The following KLHL18 variants were observed in gnomAD, a reference collection of about 807,000 sequenced individuals.
The protein encoded by KLHL18 is kelch-like protein 18.
A neutral mutation model predicts 58.5 loss-of-function variants in KLHL18; 38 were observed. The ratio of observed to expected loss-of-function variants is 0.65; its 90% CI spans 0.50 to 0.85. The LOEUF is 0.85. Among genes scored for constraint, KLHL18 ranks in the 40% least tolerant of loss-of-function variants. The probability of loss-of-function intolerance (pLI) is 0.00; values close to 1 mark genes in which losing one functional copy is unlikely to be tolerated. For missense variants in KLHL18, 624 were observed against 778.4 expected, an observed-to-expected ratio of 0.80 and a Z score of 2.36; for synonymous variants, 303 against 301.9, an observed-to-expected ratio of 1.00 and a Z score of -0.04.
At chr3:47,335,257 G>T (rs1703958404) in intron 6 of KLHL18, among the ~76,000 whole-genome samples, 1 of 152,146 alleles carries the variant, frequency 6.6e-6, no homozygotes, top group South Asian at 2.1e-4. Flanking sequence ...TTCACATTTT[G>T]TCATATGGAT....
chr3:47,314,677 A>G lies in KLHL18; in HGVS notation c.130-4976A>G, dbSNP rs543283875. 4.6e-5 allele frequency among the ~76,000 whole-genome samples: 7 copies of G among 152,262 alleles called. No homozygotes were observed. In the East Asian group the frequency reaches 1.3e-3, roughly 29 times the overall value. ...GATAAAAGAAAATCTGCCTTCCTGT[A>G]ATTTTCTAGATCTGCCCTAATCCAT... is the stretch of plus-strand genomic sequence containing the variant. On this transcript the variant is annotated intron_variant, in intron 1 of 9. Coordinates refer to ENST00000232766, the MANE Select transcript of KLHL18 (RefSeq NM_025010.5).
intron 1 of KLHL18, among the ~76,000 whole-genome samples, chr3:47,311,491 G>C (rs1003631835): frequency 1.3e-5 from 2 of 152,044 alleles, no homozygotes; most frequent in Non-Finnish European, 2.9e-5. Flanking sequence ...AGGAGATCAA[G>C]ACCATTCTGG....
At chr3:47,337,098 G>A (rs80258705) in intron 7 of KLHL18, 8,269 of 266,332 alleles carry the variant, frequency 0.031, 393 homozygotes, top group East Asian at 0.13. Flanking sequence ...TCAGGGAAGA[G>A]GTGGGATTAA....
intron 1 of KLHL18, among the ~76,000 whole-genome samples, chr3:47,292,391 T>C (rs906500957): frequency 4.6e-5 from 7 of 151,312 alleles, no homozygotes; most frequent in Non-Finnish European, 7.4e-5. Flanking sequence ...GGAGAATTGC[T>C]TGAACCCAGG....
At chr3:47,321,383 G>C (rs1250507507) in intron 2 of KLHL18, among the ~76,000 whole-genome samples, 1 of 145,324 alleles carries the variant, frequency 6.9e-6, no homozygotes, top group Non-Finnish European at 1.5e-5. Flanking sequence ...ATCTCACTCT[G>C]TCGCCCAGGC....
At chr3:47,327,912 A>G (rs1440915904) in intron 3 of KLHL18, among the ~76,000 whole-genome samples, 1 of 152,222 alleles carries the variant, frequency 6.6e-6, no homozygotes, top group Non-Finnish European at 1.5e-5. Flanking sequence ...AACCTTTCTA[A>G]TGAAGAAAAG....
chr3:47,346,161 G>T lies in KLHL18; in HGVS notation c.*2220G>T, dbSNP rs1347249419. ...AATCGGTCTGTGGGCTACTGAGTGGGTCCTTAGGATACTGGCCCAGATTTT... is the reference window on the plus strand; with the variant it reads ...AATCGGTCTGTGGGCTACTGAGTGGTTCCTTAGGATACTGGCCCAGATTTT... On this transcript the variant is annotated 3_prime_UTR_variant, in exon 10 of 10. Coordinates refer to ENST00000232766, the MANE Select transcript of KLHL18 (RefSeq NM_025010.5). 1 of 152,640 alleles carries T rather than the reference G, an allele frequency of 6.6e-6. No homozygotes were observed. The highest frequency in any genetic ancestry group is 1.5e-5 in the Non-Finnish European group (1 of 68,048). The allele number at this position is 152,640 out of a possible 1,614,324, so 9.5% of individuals were successfully genotyped here. A position where few individuals can be genotyped will look rare whatever the true frequency, so the allele number is the denominator to read the frequency against.
chr3:47,338,135 C>T (rs1270426045), intron 7 of KLHL18: 2 of 152,274 alleles, frequency 1.3e-5, no homozygotes, highest in Non-Finnish European at 2.9e-5. Context: ...CAGTTAGTGA[C>T]ATCCTGCCAT....
At position 47,295,478 on chromosome 3, in the gene KLHL18, C is replaced by T. The variant is rs117085868; in HGVS notation, c.129+12384C>T. Among the ~76,000 whole-genome samples, 95 of 152,264 alleles carry T rather than the reference C, an allele frequency of 6.2e-4. 1 individual carries two copies. In the East Asian group the frequency reaches 0.016, roughly 26 times the overall value. ...TCTGCTCACATCTGCCAAGCAGAGCCGTATCCATGCTTCAAGCTTTCTTCC... is the reference window on the plus strand; with the variant it reads ...TCTGCTCACATCTGCCAAGCAGAGCTGTATCCATGCTTCAAGCTTTCTTCC... On this transcript the variant is annotated intron_variant, in intron 1 of 9. Transcript: ENST00000232766.
At chr3:47,288,913 T>C (rs1027297793) in intron 1 of KLHL18, among the ~76,000 whole-genome samples, 1 of 152,242 alleles carries the variant, frequency 6.6e-6, no homozygotes, top group Non-Finnish European at 1.5e-5. Context: ...TGTCCTTTGC[T>C]CTGGGCTGCC....
chr3:47,341,307 G>T (rs951560935), intron 8 of KLHL18, among the ~76,000 whole-genome samples: 2 of 152,164 alleles, frequency 1.3e-5, no homozygotes, highest in African/African-American at 4.8e-5. Context: ...CAAATTAGTT[G>T]AATGGACTTA....
intron 1 of KLHL18, among the ~76,000 whole-genome samples, chr3:47,294,698 G>A (rs114119712): frequency 1.4e-3 from 209 of 152,240 alleles, no homozygotes; most frequent in African/African-American, 4.6e-3. Flanking sequence ...CAGTAAATAC[G>A]TTGTGAATGA....
chr3:47,326,446 C>T (rs1374776049), intron 3 of KLHL18, among the ~76,000 whole-genome samples: 4 of 152,144 alleles, frequency 2.6e-5, no homozygotes, highest in Non-Finnish European at 5.9e-5. Flanking sequence ...TAATGAAAGA[C>T]GTGGGTCTCC....
chr3:47,320,991 G>C (rs1703571922), intron 2 of KLHL18, among the ~76,000 whole-genome samples: 1 of 152,188 alleles, frequency 6.6e-6, no homozygotes, highest in Non-Finnish European at 1.5e-5. Context: ...GGGCAGTTGT[G>C]CCCTCCTATT....
chr3:47,312,747 G>A (rs1351234222), intron 1 of KLHL18, among the ~76,000 whole-genome samples: 1 of 152,010 alleles, frequency 6.6e-6, no homozygotes, highest in Non-Finnish European at 1.5e-5. Context: ...GTTTCATTAT[G>A]TTGCCCACGC....
chr3:47,310,249 G>GT (rs1703266761), intron 1 of KLHL18, among the ~76,000 whole-genome samples: 1 of 152,190 alleles, frequency 6.6e-6, no homozygotes. Flanking sequence ...CCTGTCTGAG[G>GT]TAGCAGAGCT....
chr3:47,335,533 G>T (rs1368064951), intron 6 of KLHL18, among the ~76,000 whole-genome samples: 5 of 152,064 alleles, frequency 3.3e-5, no homozygotes, highest in Non-Finnish European at 5.9e-5. Context: ...TTGAGATGGA[G>T]TGTCACTCTT....
Position 47,336,771 on chromosome 3 carries a change from C to T in KLHL18, c.1121+14C>T. Reference sequence around the variant, plus strand: ...TAGCAAGAGAAGGTATTCTGGAAGCCACGTGCAGCCCGAACATACACACTG... The same window carrying T: ...TAGCAAGAGAAGGTATTCTGGAAGCTACGTGCAGCCCGAACATACACACTG... On this transcript the variant is annotated intron_variant, in intron 7 of 9. Transcript: ENST00000232766. The T allele has an allele frequency of 6.2e-7, 1 of 1,600,956 alleles. No homozygotes were observed. The highest frequency in any genetic ancestry group is 1.7e-4 in the Middle Eastern group (1 of 6,038).
intron 1 of KLHL18, among the ~76,000 whole-genome samples, chr3:47,297,048 GT>G (rs1032293008): frequency 3.3e-5 from 5 of 152,154 alleles, no homozygotes; most frequent in African/African-American, 1.2e-4. Context: ...CAGCCTGAAT[GT>G]TTTAGCCAGC....
Sources: gnomAD v4.1 joint callset for allele counts (sites outside exome capture counted in the v4.1 genomes callset) on GRCh38, gnomAD v4.1.1 for gene constraint, MANE v1.5 for transcripts, NCBI Gene and HGNC (gene_info 2026-07-23, HGNC 2026-07-21) for gene names.